Variants in CEP152 observed in about 807,000 individuals in gnomAD.
The protein encoded by CEP152 is centrosomal protein of 152 kDa.
In CEP152, 132 loss-of-function variants were observed where a neutral mutation model predicts 188.9. The ratio of observed to expected loss-of-function variants is 0.70; its 90% CI spans 0.61 to 0.81. The LOEUF (loss-of-function observed/expected upper bound fraction) is 0.81, where lower values mean the gene tolerates loss of function less well. Ranked by LOEUF, CEP152 falls within the 30% of genes least tolerant of loss-of-function variation. The pLI, the probability that CEP152 is intolerant of heterozygous loss-of-function variation, is 0.00. For missense variants in CEP152, 1,914 were observed against 1,969.8 expected (o/e 0.97, Z 0.54); for synonymous variants, 649 against 666.6 (o/e 0.97, Z 0.41).
intron 17 of CEP152, chr15:48,765,732 C>T (rs1895033066): frequency 2.9e-6 from 1 of 350,438 alleles, no homozygotes; most frequent in South Asian, 2.2e-5. Flanking sequence ...CGACTCACTG[C>T]AAGCTCCGCC....
chr15:48,762,149 C>T (rs970512243), intron 18 of CEP152, among the ~76,000 whole-genome samples: 1 of 152,150 alleles, frequency 6.6e-6, no homozygotes, highest in African/African-American at 2.4e-5. Flanking sequence ...AATGCTTAGA[C>T]TAATCTCAAA....
chr15:48,769,111 A>G lies in CEP152; in HGVS notation c.1783-30T>C, dbSNP rs74012146. On this transcript the variant is annotated intron_variant, in intron 13 of 26. Transcript: ENST00000380950. ...ATATTAAAAGGTCAAAAGTTTTACA[A>G]GTTTTAAAAAATTCTAAGTTTCACT... 1,479 of 1,567,366 alleles carry G rather than the reference A, an allele frequency of 9.4e-4. 16 individuals are homozygous for G. The African/African-American group carries it at 0.018, about 20-fold the overall frequency.
At position 48,744,976 on chromosome 15, in the gene CEP152, A is replaced by T. The variant is rs1354097024; in HGVS notation, c.3651T>A (p.Val1217=). ...VEKIGEENNK[V]VEELIEENND... is the part of the protein sequence containing the mutation. ...TGTTTTCTTCTATTAATTCTTCAAC[A>T]ACTTTATTATTCTCTTCTATAACAG... The change falls in exon 23 of 27, where the codon GTT becomes GTA. Residue 1217 remains valine, a synonymous_variant. Coordinates refer to ENST00000380950, the MANE Select transcript of CEP152 (RefSeq NM_001194998.2). 4 of 1,604,936 alleles carry T rather than the reference A, an allele frequency of 2.5e-6. No homozygotes were observed. The highest frequency in any genetic ancestry group is 2.2e-5 in the East Asian group (1 of 44,646).
At chr15:48,783,937 C>T (rs779578890) in intron 10 of CEP152, 36 bp downstream of exon 10, 3 of 1,612,808 alleles carry the variant, frequency 1.9e-6, no homozygotes, top group South Asian at 1.1e-5. Flanking sequence ...ATTGAACCAA[C>T]CTTCTGGGGA....
At position 48,798,026 on chromosome 15, in the gene CEP152, G is replaced by T. The variant is rs1399311694; in HGVS notation, c.113C>A (p.Pro38His). The T allele has an allele frequency of 6.2e-7, 1 of 1,613,996 alleles. No individual in the cohort carries two copies. Among genetic ancestry groups the T allele is most frequent in the Admixed American group, 1.7e-5 (1 of 59,988 alleles). The change falls in exon 3 of 27, where the codon CCC becomes CAC. Residue 38 changes from proline (P) to histidine (H), a missense_variant. Physicochemically the swap from Pro to His is moderately conservative, Grantham distance 77. Coordinates refer to ENST00000380950, the MANE Select transcript of CEP152 (RefSeq NM_001194998.2). ...GAGGTCGTCATCCAGCATGTCATGGGGAAGGTCTGTGAGTAACTGCTGCAA... is the reference window on the plus strand; with the variant it reads ...GAGGTCGTCATCCAGCATGTCATGGTGAAGGTCTGTGAGTAACTGCTGCAA... ...KELQQLLTDL[P>H]HDMLDDDLSS...
Position 48,797,958 on chromosome 15 carries a change from T to C in CEP152, c.181A>G (p.Thr61Ala), listed in dbSNP as rs987638019. 1 of 1,613,756 alleles carries C rather than the reference T, an allele frequency of 6.2e-7. No homozygotes were observed. The highest frequency in any genetic ancestry group is 1.3e-5 in the African/African-American group (1 of 74,922). ...LQYSDCSEDGTDGQPHHPEQL... is the reference protein window; with the variant it reads ...LQYSDCSEDGADGQPHHPEQL... ...ACTTCAGGTGCTTACTGTCCGTCTGTGCCATCCTCGCTGCAGTCCGAATAC... is the reference window on the plus strand; with the variant it reads ...ACTTCAGGTGCTTACTGTCCGTCTGCGCCATCCTCGCTGCAGTCCGAATAC... The change falls in exon 3 of 27, where the codon ACA becomes GCA. Residue 61 changes from threonine (T) to alanine (A), a missense_variant. Physicochemically the swap from Thr to Ala is moderately conservative, Grantham distance 58. Transcript: ENST00000380950.
intron 14 of CEP152, among the ~76,000 whole-genome samples, 175 bp from the exon 15 acceptor site, chr15:48,768,503 A>G (rs539090681): frequency 2.6e-5 from 4 of 152,330 alleles, no homozygotes; most frequent in Non-Finnish European, 4.4e-5. Context: ...TGATAAGAAC[A>G]TAGATTCATT....
intron 25 of CEP152, 48 bp from the exon 26 acceptor site, chr15:48,741,752 G>T: frequency 6.2e-7 from 1 of 1,612,636 alleles, no homozygotes; most frequent in South Asian, 1.1e-5. Flanking sequence ...AGGAAAAAAT[G>T]AGTTGCCTTA....
intron 10 of CEP152, among the ~76,000 whole-genome samples, chr15:48,782,537 G>A (rs1896323041): frequency 1.3e-5 from 2 of 152,052 alleles, no homozygotes; most frequent in Admixed American, 1.3e-4. Flanking sequence ...TAATAGGAGC[G>A]TAACACTCCA....
chr15:48,786,789 A>G (rs1896662519), intron 9 of CEP152, among the ~76,000 whole-genome samples: 1 of 152,262 alleles, frequency 6.6e-6, no homozygotes, highest in Non-Finnish European at 1.5e-5. Flanking sequence ...CACCCAGCAC[A>G]GAATCAAGAA....
rs1897392324 is a variant in CEP152 at position 48,797,674 on chromosome 15, G to A, written c.248C>T (p.Ser83Phe). 1 of 1,614,106 alleles carries A rather than the reference G, an allele frequency of 6.2e-7. No homozygotes were observed. Among genetic ancestry groups the A allele is most frequent in the South Asian group, 1.1e-5 (1 of 91,074 alleles). ...MSWNEQMLPKSQSVNGYNEIQ... is the reference protein window; with the variant it reads ...MSWNEQMLPKFQSVNGYNEIQ... ...CCAGATACTTACATTTACACTTTGA[G>A]ATTTGGGCAGCATTTGCTCATTCCA... The change falls in exon 4 of 27, where the codon TCT (serine) becomes TTT (phenylalanine). Residue 83 changes from serine (S) to phenylalanine (F), a missense_variant. Coordinates refer to ENST00000380950, the MANE Select transcript of CEP152 (RefSeq NM_001194998.2).
At chr15:48,736,009 GCTAA>G (rs1434571765), downstream of CEP152, among the ~76,000 whole-genome samples, 7 of 152,194 alleles carry the variant, frequency 4.6e-5, no homozygotes, top group African/African-American at 1.7e-4. Flanking sequence ...GAATACTATG[GCTAA>G]CTGTGTCAAC....
At chr15:48,800,283 T>C (rs934339672) in intron 2 of CEP152, among the ~76,000 whole-genome samples, 11 of 152,210 alleles carry the variant, frequency 7.2e-5, no homozygotes, top group Non-Finnish European at 1.0e-4. Context: ...AAAATTGATC[T>C]TCAAAAAATT....
chr15:48,732,629 A>G (rs1892462379), intron 2 of CEP152, among the ~76,000 whole-genome samples: 1 of 150,740 alleles, frequency 6.6e-6, no homozygotes, highest in Non-Finnish European at 1.5e-5. Flanking sequence ...TACCTAGGTA[A>G]CAAATCTGCA....
chr15:48,748,833 C>G (rs1241473206), intron 21 of CEP152, among the ~76,000 whole-genome samples: 1 of 151,970 alleles, frequency 6.6e-6, no homozygotes, highest in Non-Finnish European at 1.5e-5. Context: ...TTGTCTAAGG[C>G]ACTACTGGAT....
At chr15:48,748,918 AG>A (rs1893675956) in intron 21 of CEP152, among the ~76,000 whole-genome samples, 1 of 152,082 alleles carries the variant, frequency 6.6e-6, no homozygotes, top group Non-Finnish European at 1.5e-5. Context: ...TCCCTACTAA[AG>A]GGAGTCAAGG....
chr15:48,750,084 G>A (rs1445769019), intron 21 of CEP152, among the ~76,000 whole-genome samples: 1 of 151,984 alleles, frequency 6.6e-6, no homozygotes, highest in African/African-American at 2.4e-5. Context: ...GCACAAAATG[G>A]AGTAAAATGT....
intron 1 of CEP152, chr15:48,810,364 A>G (rs910546770): frequency 2.0e-5 from 3 of 152,276 alleles, no homozygotes; most frequent in Admixed American, 6.5e-5. Context: ...ACAGGACACG[A>G]TGAAGGGAAA....
At chr15:48,765,899 G>A (rs941204251) in intron 17 of CEP152, among the ~76,000 whole-genome samples, 10 of 151,846 alleles carry the variant, frequency 6.6e-5, no homozygotes, top group Non-Finnish European at 7.4e-5. Flanking sequence ...TGATCCGCCC[G>A]TCTCGGCCTC....
Sources: allele counts gnomAD v4.1 joint callset (sites outside exome capture counted in the v4.1 genomes callset), GRCh38; gene constraint gnomAD v4.1.1; transcripts MANE v1.5; gene names NCBI Gene and HGNC (gene_info 2026-07-23, HGNC 2026-07-21).